Variants in PTPRM observed in about 807,000 individuals in gnomAD.
PTPRM encodes receptor-type tyrosine-protein phosphatase mu.
Under a neutral mutation model 186.7 loss-of-function variants are expected in PTPRM, and 47 were observed. The observed-to-expected ratio is 0.25, with a 90% CI of 0.20 to 0.32. PTPRM has a LOEUF of 0.32. Among genes scored for constraint, PTPRM ranks in the 10% least tolerant of loss-of-function variants. The pLI, the probability that PTPRM is intolerant of heterozygous loss-of-function variation, is 1.00. For missense variants in PTPRM, 1,494 were observed against 1,865.0 expected (o/e 0.80, Z 3.66); for synonymous variants, 668 against 674.9 (o/e 0.99, Z 0.16).
intron 20 of PTPRM, among the ~76,000 whole-genome samples, chr18:8,303,561 G>A (rs1380815498): frequency 6.6e-6 from 1 of 152,156 alleles, no homozygotes. Flanking sequence ...AGGTGGGCAC[G>A]AGCAAGAGAG....
chr18:8,308,283 C>T (rs1279903575), intron 20 of PTPRM, among the ~76,000 whole-genome samples: 1 of 152,188 alleles, frequency 6.6e-6, no homozygotes, highest in Non-Finnish European at 1.5e-5. Context: ...TTGGCTACAG[C>T]TAGGCATCTG....
chr18:8,265,977 C>T (rs188941869), intron 19 of PTPRM, among the ~76,000 whole-genome samples: 34 of 152,098 alleles, frequency 2.2e-4, no homozygotes, highest in Admixed American at 1.4e-3. Context: ...ATGGCCATCA[C>T]GTATGATCCA....
chr18:7,673,977 C>T (rs2039277126), intron 1 of PTPRM, among the ~76,000 whole-genome samples: 3 of 152,136 alleles, frequency 2.0e-5, no homozygotes, highest in African/African-American at 4.8e-5. Context: ...GTACACGCAG[C>T]TCTTCTGAGA....
In PTPRM at chr18:7,661,920, A is replaced by G. The variant is rs200891701; in HGVS notation, c.73+94029A>G. Reference sequence around the variant, plus strand: ...TATAGTTTGACAGGTGTGCTCATGTATATGATTTTTTTTTTGAGACAGGGT... The same window carrying G: ...TATAGTTTGACAGGTGTGCTCATGTGTATGATTTTTTTTTTGAGACAGGGT... On this transcript the variant is annotated intron_variant, in intron 1 of 32. Transcript: ENST00000580170. Among the ~76,000 whole-genome samples, 3 of 151,716 alleles carry G rather than the reference A, an allele frequency of 2.0e-5. No homozygotes were observed. In the East Asian group the frequency reaches 5.8e-4, roughly 29 times the overall value.
At chr18:7,944,383 T>C (rs12326185) in intron 5 of PTPRM, among the ~76,000 whole-genome samples, 21,957 of 152,182 alleles carry the variant, frequency 0.14, 1,848 homozygotes, top group Non-Finnish European at 0.19. Context: ...CTGAAAACAA[T>C]TTACCCAGTT....
chr18:7,960,450 C>CATATATATATATATATATATATAT (rs71354579), intron 7 of PTPRM, among the ~76,000 whole-genome samples: 2 of 120,576 alleles, frequency 1.7e-5, no homozygotes, highest in African/African-American at 3.4e-5. Flanking sequence ...ATATAGGCAA[C>CATATATATATATATATATATATAT]ATATATATAT....
chr18:8,292,093 AG>A (rs2147848947), intron 19 of PTPRM, among the ~76,000 whole-genome samples: 1 of 152,344 alleles, frequency 6.6e-6, no homozygotes, highest in African/African-American at 2.4e-5. Context: ...AGGGGCACAC[AG>A]TCTGAGAGAT....
chr18:7,695,554 G>T (rs564027889), intron 1 of PTPRM, among the ~76,000 whole-genome samples: 2 of 152,290 alleles, frequency 1.3e-5, no homozygotes, highest in South Asian at 4.1e-4. Flanking sequence ...ATCTTTCTGT[G>T]CATCATTTTA....
intron 14 of PTPRM, among the ~76,000 whole-genome samples, chr18:8,174,366 G>A (rs2093450421): frequency 6.6e-6 from 1 of 152,162 alleles, no homozygotes; most frequent in East Asian, 1.9e-4. Context: ...GGCAATATGG[G>A]GGTTGGTTAG....
At chr18:7,904,188 A>G (rs116841398) in intron 3 of PTPRM, among the ~76,000 whole-genome samples, 1,982 of 152,346 alleles carry the variant, frequency 0.013, 20 homozygotes, top group South Asian at 0.033. Context: ...GTAGTAAGAA[A>G]AAAGATATTC....
intron 14 of PTPRM, among the ~76,000 whole-genome samples, chr18:8,160,147 A>G (rs1388405182): frequency 1.3e-5 from 2 of 152,186 alleles, no homozygotes; most frequent in Non-Finnish European, 2.9e-5. Context: ...TATTTTTTAT[A>G]AATCGTGTAT....
At chr18:7,990,774 A>G (rs1041001544) in intron 7 of PTPRM, among the ~76,000 whole-genome samples, 4 of 152,050 alleles carry the variant, frequency 2.6e-5, no homozygotes, top group East Asian at 1.9e-4. Flanking sequence ...TTTTTCTTCA[A>G]GGATAGACTC....
intron 1 of PTPRM, among the ~76,000 whole-genome samples, chr18:7,737,845 C>A (rs2040804509): frequency 6.6e-6 from 1 of 152,194 alleles, no homozygotes; most frequent in Non-Finnish European, 1.5e-5. Context: ...TGCTCCTTCT[C>A]CCCAGGCTGT....
At chr18:8,140,591 G>A (rs2092743842) in intron 13 of PTPRM, among the ~76,000 whole-genome samples, 1 of 151,698 alleles carries the variant, frequency 6.6e-6, no homozygotes, top group South Asian at 2.1e-4. Flanking sequence ...AGTAGACTGG[G>A]CATCTGTGAG....
At chr18:7,715,691 C>T (rs2040313335) in intron 1 of PTPRM, among the ~76,000 whole-genome samples, 1 of 152,170 alleles carries the variant, frequency 6.6e-6, no homozygotes, top group African/African-American at 2.4e-5. Context: ...GCAAAAATCA[C>T]AAGCATTTCT....
chr18:8,345,501 CAAAAA>C (rs1237189378), intron 23 of PTPRM, among the ~76,000 whole-genome samples: 1 of 151,594 alleles, frequency 6.6e-6, no homozygotes, highest in Admixed American at 6.6e-5. Context: ...AAAACTGACT[CAAAAA>C]GAAACAGAAA....
intron 6 of PTPRM, among the ~76,000 whole-genome samples, chr18:7,954,403 C>T (rs1437072559): frequency 6.6e-6 from 1 of 152,058 alleles, no homozygotes; most frequent in African/African-American, 2.4e-5. Context: ...CCAGAATGCT[C>T]GATTCTCCTG....
chr18:7,892,184 C>T (rs2049116202), intron 3 of PTPRM, among the ~76,000 whole-genome samples: 1 of 152,186 alleles, frequency 6.6e-6, no homozygotes. Flanking sequence ...TGGGCCTTAG[C>T]AGTGTCCACA....
intron 13 of PTPRM, among the ~76,000 whole-genome samples, chr18:8,126,301 T>C (rs2092361744): frequency 6.6e-6 from 1 of 151,674 alleles, no homozygotes; most frequent in Admixed American, 6.6e-5. Context: ...TTATTTTGTC[T>C]TCTTTTGACT....
Sources: allele counts gnomAD v4.1 joint callset (sites outside exome capture counted in the v4.1 genomes callset), GRCh38; gene constraint gnomAD v4.1.1; transcripts MANE v1.5; gene names NCBI Gene and HGNC (gene_info 2026-07-23, HGNC 2026-07-21).